PRKAR2A: variants seen among roughly 807,000 people sequenced by gnomAD.
PRKAR2A encodes the protein protein kinase cAMP-dependent type II regulatory subunit alpha, also known as cAMP-dependent protein kinase type II-alpha regulatory subunit.
In PRKAR2A, 29 loss-of-function variants were observed where a neutral mutation model predicts 51.9. The observed-to-expected ratio is 0.56, with a 90% CI of 0.42 to 0.76. The LOEUF (loss-of-function observed/expected upper bound fraction) is 0.76. PRKAR2A is among the 30% of genes least tolerant of loss of function. The pLI, the probability that PRKAR2A is intolerant of heterozygous loss-of-function variation, is 0.00. For missense variants in PRKAR2A, 445 were observed against 512.1 expected, an observed-to-expected ratio of 0.87 and a Z score of 1.26; for synonymous variants, 178 against 186.2, an observed-to-expected ratio of 0.96 and a Z score of 0.36.
At chr3:48,830,059 C>T (rs903460869) in intron 1 of PRKAR2A, among the ~76,000 whole-genome samples, 21 of 150,766 alleles carry the variant, frequency 1.4e-4, no homozygotes, top group South Asian at 6.3e-4. Flanking sequence ...AAAAATTAGC[C>T]GGGCATGGTG....
At chr3:48,784,773 C>A (rs1318437935) in intron 4 of PRKAR2A, among the ~76,000 whole-genome samples, 1 of 152,096 alleles carries the variant, frequency 6.6e-6, no homozygotes, top group Non-Finnish European at 1.5e-5. Context: ...TTAAGCAAAA[C>A]AATGTATAGA....
intron 1 of PRKAR2A, among the ~76,000 whole-genome samples, chr3:48,834,970 T>C (rs2083256930): frequency 1.6e-5 from 2 of 126,398 alleles, no homozygotes; most frequent in Non-Finnish European, 3.3e-5. Context: ...GGAGGATCAC[T>C]TTTTTTTTTT....
chr3:48,806,280 A>C lies in PRKAR2A; in HGVS notation c.298+1369T>G, dbSNP rs1268557906. Among the ~76,000 whole-genome samples, 5 of 152,352 alleles carry C rather than the reference A, an allele frequency of 3.3e-5. No homozygotes were observed. In the East Asian group the frequency reaches 5.8e-4, roughly 18 times the overall value. On this transcript the variant is annotated intron_variant, in intron 2 of 10. Coordinates refer to ENST00000265563, the MANE Select transcript of PRKAR2A (RefSeq NM_004157.4). The stretch of plus-strand genomic sequence containing the variant: ...ATAATAGGCCAGATGACAATTTCAA[A>C]TCAAGAAACCTTCCTAAAACAAGGA...
chr3:48,791,200 T>C (rs535520572), intron 3 of PRKAR2A, among the ~76,000 whole-genome samples: 1 of 136,564 alleles, frequency 7.3e-6, no homozygotes, highest in East Asian at 2.2e-4. Context: ...GGTAGGAGAA[T>C]CGCTTGAACC....
At chr3:48,793,589 C>G (rs2082429050) in intron 3 of PRKAR2A, among the ~76,000 whole-genome samples, 1 of 151,866 alleles carries the variant, frequency 6.6e-6, no homozygotes, top group African/African-American at 2.4e-5. Context: ...TTTTAAGACT[C>G]AAGCAGCAAT....
chr3:48,834,553 G>A (rs1484008498), intron 1 of PRKAR2A, among the ~76,000 whole-genome samples: 1 of 151,830 alleles, frequency 6.6e-6, no homozygotes, highest in Non-Finnish European at 1.5e-5. Flanking sequence ...TGGGAAACAT[G>A]ACAAAATCCC....
chr3:48,811,450 G>C (rs1190855870), intron 1 of PRKAR2A, among the ~76,000 whole-genome samples: 1 of 152,090 alleles, frequency 6.6e-6, no homozygotes, highest in Non-Finnish European at 1.5e-5. Context: ...ACTCTAGCCT[G>C]GGTGACAGAG....
intron 1 of PRKAR2A, among the ~76,000 whole-genome samples, chr3:48,815,795 C>T (rs1320693737): frequency 1.3e-5 from 2 of 151,414 alleles, no homozygotes; most frequent in African/African-American, 4.8e-5. Flanking sequence ...CCAAAGCAGG[C>T]GGATCACAAG....
At chr3:48,790,103 T>A (rs1268464186) in intron 4 of PRKAR2A, among the ~76,000 whole-genome samples, 1 of 152,174 alleles carries the variant, frequency 6.6e-6, no homozygotes, top group East Asian at 1.9e-4. Flanking sequence ...AGTACTGCTA[T>A]ATGGTGACTA....
intron 1 of PRKAR2A, among the ~76,000 whole-genome samples, chr3:48,825,256 C>T (rs770520726): frequency 4.6e-5 from 7 of 151,954 alleles, no homozygotes; most frequent in Non-Finnish European, 7.4e-5. Context: ...CCTTAGGAGT[C>T]TGCCCGCCTT....
At chr3:48,785,785 G>T (rs908423745) in intron 4 of PRKAR2A, among the ~76,000 whole-genome samples, 1 of 152,114 alleles carries the variant, frequency 6.6e-6, no homozygotes. Context: ...CAAAAGAAAA[G>T]CATTTTATAT....
At chr3:48,769,991 G>C (rs2082006202) in intron 6 of PRKAR2A, among the ~76,000 whole-genome samples, 1 of 152,124 alleles carries the variant, frequency 6.6e-6, no homozygotes. Context: ...GCCCATGCTG[G>C]TCTTGAATTC....
chr3:48,803,197 T>C (rs960742355), intron 2 of PRKAR2A, among the ~76,000 whole-genome samples: 3 of 152,116 alleles, frequency 2.0e-5, no homozygotes, highest in Non-Finnish European at 2.9e-5. Flanking sequence ...GAGGATAGTT[T>C]GAAACCAGGA....
chr3:48,829,595 C>CACACATAAATGTGTATACGTGTGTATAT (rs2083136900), intron 1 of PRKAR2A, among the ~76,000 whole-genome samples: 3 of 43,974 alleles, frequency 6.8e-5, no homozygotes, highest in African/African-American at 4.4e-4. Context: ...TGTATATATA[C>CACACATAAATGTGTATACGTGTGTATAT]ACACACATAA....
At chr3:48,827,873 T>G (rs1440839868) in intron 1 of PRKAR2A, among the ~76,000 whole-genome samples, 1 of 152,168 alleles carries the variant, frequency 6.6e-6, no homozygotes, top group African/African-American at 2.4e-5. Context: ...AATTTTTTTT[T>G]GTTTTTGGGA....
intron 5 of PRKAR2A, among the ~76,000 whole-genome samples, chr3:48,778,820 C>CTTTTTT (rs1559615026): frequency 7.8e-6 from 1 of 128,564 alleles, no homozygotes; most frequent in African/African-American, 3.0e-5. Flanking sequence ...GCTCGGCCTG[C>CTTTTTT]ATTTTTTTTT....
chr3:48,781,790 C>T (rs2082200919), intron 5 of PRKAR2A, among the ~76,000 whole-genome samples: 1 of 152,096 alleles, frequency 6.6e-6, no homozygotes, highest in Non-Finnish European at 1.5e-5. Context: ...GGATTACAGG[C>T]ATGAGCCACT....
intron 2 of PRKAR2A, among the ~76,000 whole-genome samples, chr3:48,800,544 A>C (rs577234726): frequency 5.3e-5 from 8 of 151,856 alleles, no homozygotes; most frequent in Non-Finnish European, 1.2e-4. Context: ...ACACACACAC[A>C]CACACACACT....
intron 5 of PRKAR2A, among the ~76,000 whole-genome samples, chr3:48,777,341 A>G (rs1575863025): frequency 6.6e-6 from 1 of 152,178 alleles, no homozygotes; most frequent in South Asian, 2.1e-4. Context: ...ACAGTAAAGC[A>G]TGGAAAAAAT....
Sources: allele counts gnomAD v4.1 joint callset (sites outside exome capture counted in the v4.1 genomes callset), GRCh38; gene constraint gnomAD v4.1.1; transcripts MANE v1.5; gene names NCBI Gene and HGNC (gene_info 2026-07-23, HGNC 2026-07-21).